Variants in OR2AP1 observed in about 807,000 individuals in gnomAD.
OR2AP1 encodes the protein olfactory receptor 2AP1.
OR2AP1 carries 20 observed loss-of-function variants against 13.9 expected under a neutral mutation model. The observed-to-expected ratio is 1.44, with a 90% CI of 1.01 to 2.09. The LOEUF (loss-of-function observed/expected upper bound fraction) is 2.09, where lower values mean the gene tolerates loss of function less well. Ranked by LOEUF, OR2AP1 falls within the 30% of genes most tolerant of loss-of-function variation. The probability of loss-of-function intolerance (pLI) is 0.00; values close to 1 mark genes in which losing one functional copy is unlikely to be tolerated. For synonymous variants in OR2AP1, 174 were observed against 137.0 expected (o/e 1.27, Z -1.89); for missense variants, 490 against 360.6 (o/e 1.36, Z -2.91).
chr12:55,575,429 A>T lies in OR2AP1; in HGVS notation c.*85A>T, dbSNP rs1874542451. On this transcript the variant is annotated 3_prime_UTR_variant, in exon 2 of 2. Coordinates refer to ENST00000641114, the MANE Select transcript of OR2AP1 (RefSeq NM_001258285.2). ...CAAATGTCCAACAATGATAGACTGG[A>T]TTAAGAAAATATGGCACATATACAC... The T allele has an allele frequency of 1.4e-6, 1 of 714,120 alleles. No individual in the cohort carries two copies. Among genetic ancestry groups the T allele is most frequent in the African/African-American group, 1.8e-5 (1 of 55,964 alleles). The allele number at this position is 714,120 out of a possible 1,614,324, so 44.2% of individuals were successfully genotyped here. A position where few individuals can be genotyped will look rare whatever the true frequency, so the allele number is the denominator to read the frequency against.
Position 55,573,200 on chromosome 12 carries a change from T to TA in OR2AP1, c.-196+578_-196+579insA, listed in dbSNP as rs762279705. ...CTCAAAATACATATATATATATATATTATACCTTATGTGGTAAGGAACGCT... is the reference window on the plus strand; with the variant it reads ...CTCAAAATACATATATATATATATATATATACCTTATGTGGTAAGGAACGCT... On this transcript the variant is annotated intron_variant, in intron 1 of 1. Transcript: ENST00000641114. Among the ~76,000 whole-genome samples the TA allele has an allele frequency of 6.7e-4, 99 of 147,606 alleles. 1 individual carries two copies. The highest frequency in any genetic ancestry group is 1.3e-3 in the Non-Finnish European group (85 of 66,768).
chr12:55,573,167 G>C (rs997832253), intron 1 of OR2AP1, among the ~76,000 whole-genome samples: 1 of 145,540 alleles, frequency 6.9e-6, no homozygotes, highest in Non-Finnish European at 1.5e-5. Context: ...GTCAGAGTAA[G>C]ACTGTGGCTC....
Sources: gnomAD v4.1 joint callset for allele counts (sites outside exome capture counted in the v4.1 genomes callset) on GRCh38, gnomAD v4.1.1 for gene constraint, MANE v1.5 for transcripts, NCBI Gene and HGNC (gene_info 2026-07-23, HGNC 2026-07-21) for gene names.